TMEM232: variants seen among roughly 807,000 people sequenced by gnomAD.
TMEM232 encodes the protein transmembrane protein 232.
A neutral mutation model predicts 78.8 loss-of-function variants in TMEM232; 80 were observed. The ratio of observed to expected loss-of-function variants is 1.01; its 90% CI spans 0.85 to 1.22. The LOEUF is 1.22. Ranked by LOEUF, TMEM232 falls within the 50% of genes most tolerant of loss-of-function variation. The probability of loss-of-function intolerance (pLI) is 0.00; values close to 1 mark genes in which losing one functional copy is unlikely to be tolerated. For synonymous variants in TMEM232, 297 were observed against 254.3 expected (o/e 1.17, Z -1.60); for missense variants, 881 against 742.2 (o/e 1.19, Z -2.17).
intron 12 of TMEM232, among the ~76,000 whole-genome samples, chr5:110,501,603 TAAG>T (rs1184844997): frequency 6.6e-6 from 1 of 152,088 alleles, no homozygotes; most frequent in Non-Finnish European, 1.5e-5. Context: ...TGGTAGAATT[TAAG>T]AAAAGGAGAA....
intron 3 of TMEM232, among the ~76,000 whole-genome samples, chr5:110,391,721 G>T (rs1755203940): frequency 6.6e-6 from 1 of 152,102 alleles, no homozygotes; most frequent in South Asian, 2.1e-4. Context: ...AGTATAATTA[G>T]ATTGTTTCAT....
In TMEM232 at chr5:110,724,717, T is replaced by C. The variant is rs956600145; in HGVS notation, c.-13+1910A>G. ...AAGATAAATCAACTATTTTTATTTA[T>C]TCATTCACCAAATAGTTAAATGACT... is the stretch of plus-strand genomic sequence containing the variant. On this transcript the variant is annotated intron_variant, in intron 1 of 13. Transcript: ENST00000455884. Among the ~76,000 whole-genome samples, 28 of 152,362 alleles carry C rather than the reference T, an allele frequency of 1.8e-4. No homozygotes were observed. The East Asian group carries it at 5.2e-3, about 28-fold the overall frequency.
intron 11 of TMEM232, among the ~76,000 whole-genome samples, chr5:110,561,628 T>A (rs1054126006): frequency 6.6e-6 from 1 of 152,068 alleles, no homozygotes. Context: ...TGTAAAAATA[T>A]CACCAAAAAC....
intron 11 of TMEM232, among the ~76,000 whole-genome samples, chr5:110,530,356 G>T (rs1280634855): frequency 6.6e-6 from 1 of 152,198 alleles, no homozygotes; most frequent in South Asian, 2.1e-4. Flanking sequence ...AAGCAAGCAT[G>T]TGATTCAGTA....
intron 10 of TMEM232, among the ~76,000 whole-genome samples, chr5:110,580,884 A>C (rs1315085652): frequency 2.6e-5 from 4 of 151,752 alleles, no homozygotes; most frequent in Non-Finnish European, 5.9e-5. Flanking sequence ...AGTGGATGAG[A>C]GCCAAATCAA....
At chr5:110,626,576 T>C (rs1784453731) in intron 6 of TMEM232, among the ~76,000 whole-genome samples, 1 of 152,094 alleles carries the variant, frequency 6.6e-6, no homozygotes, top group Admixed American at 6.6e-5. Context: ...TATTTTGACT[T>C]TATTTTATCC....
At chr5:110,678,395 C>A (rs1792306159) in intron 1 of TMEM232, among the ~76,000 whole-genome samples, 1 of 151,984 alleles carries the variant, frequency 6.6e-6, no homozygotes, top group Admixed American at 6.6e-5. Flanking sequence ...AGTTTTAGAG[C>A]AAAATTGGAG....
intron 10 of TMEM232, among the ~76,000 whole-genome samples, chr5:110,591,503 C>T (rs1293137942): frequency 6.6e-6 from 1 of 152,118 alleles, no homozygotes; most frequent in Non-Finnish European, 1.5e-5. Flanking sequence ...CCTATAGTTT[C>T]TCACTATAAT....
rs190165093 is a variant in TMEM232, at chr5:110,667,467, A to C, written c.-12-103T>G. On this transcript the variant is annotated intron_variant, in intron 1 of 13. Transcript: ENST00000455884. The stretch of plus-strand genomic sequence containing the variant: ...TTTTGGAAAAGAATAGCAAGAACTA[A>C]AGTTAGGCTTAAGAATAATTCTATA... 1,519 of 870,232 alleles carry C rather than the reference A, an allele frequency of 1.7e-3. 9 individuals carry two copies. The highest frequency in any genetic ancestry group is 0.017 in the Middle Eastern group (46 of 2,708). 53.9% of individuals were successfully genotyped at this position (870,232 alleles called of 1,614,324 possible). A position where few individuals can be genotyped will look rare whatever the true frequency, so the allele number is the denominator to read the frequency against.
chr5:110,599,916 A>G (rs1780682251), intron 10 of TMEM232, among the ~76,000 whole-genome samples: 1 of 152,208 alleles, frequency 6.6e-6, no homozygotes, highest in African/African-American at 2.4e-5. Context: ...CATAATTGGA[A>G]GTAAAATGCT....
rs1361323377 is a variant in TMEM232, at chr5:110,731,926, TG to T, written c.-13+2976del. 3.3e-5 allele frequency among the ~76,000 whole-genome samples: 5 copies of T among 152,228 alleles called. No homozygotes were observed. The East Asian group carries it at 5.8e-4, about 18-fold the overall frequency. On this transcript the variant is annotated intron_variant, in intron 2 of 4. Coordinates refer to the TMEM232 transcript ENST00000512886. ...CTGCATCATCAGGCTGCAAATTTTC[TG>T]AACTTTTATGCTCTGTTTCCCTTTT...
intron 1 of TMEM232, among the ~76,000 whole-genome samples, chr5:110,711,394 G>A (rs2150313748): frequency 6.6e-6 from 1 of 152,228 alleles, no homozygotes; most frequent in East Asian, 1.9e-4. Flanking sequence ...ATTCTTCAGA[G>A]TAATAGAAAA....
Position 110,725,114 on chromosome 5 carries a change from A to G in TMEM232, c.-13+1513T>C, listed in dbSNP as rs1421038988. On this transcript the variant is annotated intron_variant, in intron 1 of 13. Coordinates refer to ENST00000455884, the MANE Select transcript of TMEM232 (RefSeq NM_001039763.4). ...AGCAAAAATAAAAAGTGTGATATATAGTTTAGAACATTAATTTCTAAAATA... is the reference window on the plus strand; with the variant it reads ...AGCAAAAATAAAAAGTGTGATATATGGTTTAGAACATTAATTTCTAAAATA... Among the ~76,000 whole-genome samples, 5 of 152,354 alleles carry G rather than the reference A, an allele frequency of 3.3e-5. No homozygotes were observed. In the East Asian group the frequency reaches 9.6e-4, roughly 29 times the overall value.
chr5:110,455,544 AT>A (rs1170358572), intron 12 of TMEM232, among the ~76,000 whole-genome samples: 5 of 151,810 alleles, frequency 3.3e-5, no homozygotes, highest in Admixed American at 6.6e-5. Flanking sequence ...CGCCCGGCTA[AT>A]TTTTTTGTAT....
intron 1 of TMEM232, among the ~76,000 whole-genome samples, chr5:110,707,318 G>A (rs74778857): frequency 0.057 from 8,679 of 152,234 alleles, 515 homozygotes; most frequent in East Asian, 0.25. Flanking sequence ...TGGCACCATG[G>A]CACAGAAAAA....
rs1580618786 is a variant in TMEM232, at chr5:110,424,869, A to G, written c.1751T>C (p.Phe584Ser). 1 of 1,550,424 alleles carries G rather than the reference A, an allele frequency of 6.4e-7. No individual in the cohort carries two copies. Residue 584 changes from phenylalanine (F) to serine (S), a missense_variant, in exon 13 of 14, where the codon TTC becomes TCC. By Grantham distance (155) the Phe-to-Ser change is radical. Transcript: ENST00000455884. Reference protein sequence around the residue: ...SEIPMFPYPDFFTKADKELAK... With the variant: ...SEIPMFPYPDSFTKADKELAK... ...CAACTCTTTATCTGCCTTGGTGAAG[A>G]AATCTGGATATGGAAACATGGGAAT...
chr5:110,715,673 C>G (rs187542605), intron 1 of TMEM232, among the ~76,000 whole-genome samples: 11 of 152,270 alleles, frequency 7.2e-5, no homozygotes, highest in African/African-American at 2.6e-4. Context: ...GGACTCCTTC[C>G]TCTCAGCCAG....
intron 12 of TMEM232, among the ~76,000 whole-genome samples, chr5:110,438,846 C>T (rs911096746): frequency 3.9e-5 from 6 of 152,062 alleles, no homozygotes; most frequent in African/African-American, 1.4e-4. Flanking sequence ...TCTTAGAAAC[C>T]ATGGATCATC....
chr5:110,573,329 G>A (rs949574203), intron 10 of TMEM232, among the ~76,000 whole-genome samples: 1 of 151,920 alleles, frequency 6.6e-6, no homozygotes, highest in African/African-American at 2.4e-5. Flanking sequence ...AATATAATAT[G>A]ACACTACAAA....
Sources: gnomAD v4.1 joint callset for allele counts (sites outside exome capture counted in the v4.1 genomes callset) on GRCh38, gnomAD v4.1.1 for gene constraint, MANE v1.5 for transcripts, NCBI Gene and HGNC (gene_info 2026-07-23, HGNC 2026-07-21) for gene names.